The following CLEC3B variants were observed in gnomAD, a reference collection of about 807,000 sequenced individuals.
The protein encoded by CLEC3B is tetranectin.
In CLEC3B, 13 loss-of-function variants were observed where a neutral mutation model predicts 15.4. The ratio of observed to expected loss-of-function variants is 0.84; its 90% CI spans 0.55 to 1.34. CLEC3B has a LOEUF of 1.34. CLEC3B is among the 40% of genes most tolerant of loss of function. CLEC3B has a pLI of 0.00. For missense variants in CLEC3B, 242 were observed against 268.6 expected (o/e 0.90, Z 0.69); for synonymous variants, 112 against 114.7 (o/e 0.98, Z 0.15).
chr3:45,030,817 C>A lies in CLEC3B; in HGVS notation c.110-10C>A. 1 of 1,573,326 alleles carries A rather than the reference C, an allele frequency of 6.4e-7. No individual in the cohort carries two copies. Among genetic ancestry groups the A allele is most frequent in the South Asian group, 1.2e-5 (1 of 85,658 alleles). On this transcript the variant is annotated splice_polypyrimidine_tract_variant and intron_variant, in intron 1 of 2. Coordinates refer to ENST00000296130, the MANE Select transcript of CLEC3B (RefSeq NM_003278.3). Reference sequence around the variant, plus strand: ...CCTGCCCCACCCTGACATATTTCCTCCTGCTTCAGATGTTGTGAACACAAA... The same window carrying A: ...CCTGCCCCACCCTGACATATTTCCTACTGCTTCAGATGTTGTGAACACAAA...
Position 45,035,709 on chromosome 3 carries a change from T to G in CLEC3B, c.394T>G (p.Trp132Gly), listed in dbSNP as rs1559760831. The change falls in exon 3 of 3, where the codon TGG becomes GGG. Residue 132 changes from tryptophan (W) to glycine (G), a missense_variant. Transcript: ENST00000296130. ...GAGCGTGGGCAACGAGGCCGAGATC[T>G]GGCTGGGCCTCAACGACATGGCGGC... ...RQSVGNEAEI[W>G]LGLNDMAAEG... 7 of 1,613,846 alleles carry G rather than the reference T, an allele frequency of 4.3e-6. No homozygotes were observed. Among genetic ancestry groups the G allele is most frequent in the Non-Finnish European group, 5.9e-6 (7 of 1,180,012 alleles).
At chr3:45,031,251 C>T (rs1038312551) in intron 2 of CLEC3B, among the ~76,000 whole-genome samples, 7 of 152,208 alleles carry the variant, frequency 4.6e-5, no homozygotes, top group Admixed American at 3.3e-4. Flanking sequence ...CTGGAGCGCT[C>T]GATGGGGCAG....
chr3:45,029,771 C>T (rs1380424637), intron 1 of CLEC3B, among the ~76,000 whole-genome samples: 1 of 152,202 alleles, frequency 6.6e-6, no homozygotes, highest in Non-Finnish European at 1.5e-5. Flanking sequence ...CAGGGTCCGC[C>T]CCAGGAGCTC....
chr3:45,035,871 G>C lies in CLEC3B; in HGVS notation c.556G>C (p.Asp186His), dbSNP rs1468475621. Residue 186 changes from aspartate to histidine, a missense_variant, in exon 3 of 3, where the codon GAC (aspartate) becomes CAC (histidine). Coordinates refer to ENST00000296130, the MANE Select transcript of CLEC3B (RefSeq NM_003278.3). ...AGGCGCGGCCAACGGCAAGTGGTTC[G>C]ACAAGCGCTGCCGCGATCAGCTGCC... Reference protein sequence around the residue: ...LSGAANGKWFDKRCRDQLPYI... With the variant: ...LSGAANGKWFHKRCRDQLPYI... The C allele has an allele frequency of 5.6e-6, 9 of 1,611,596 alleles. No homozygotes were observed. The highest frequency in any genetic ancestry group is 2.7e-5 in the African/African-American group (2 of 75,058).
chr3:45,035,715 G>A lies in CLEC3B; in HGVS notation c.400G>A (p.Gly134Ser), dbSNP rs779728963. The A allele has an allele frequency of 1.2e-6, 2 of 1,613,872 alleles. No homozygotes were observed. The highest frequency in any genetic ancestry group is 1.7e-6 in the Non-Finnish European group (2 of 1,180,022). Residue 134 changes from glycine (G) to serine (S), a missense_variant, in exon 3 of 3, where the codon GGC becomes AGC. By Grantham distance (56) the Gly-to-Ser change is moderately conservative. Transcript: ENST00000296130. Reference protein sequence around the residue: ...SVGNEAEIWLGLNDMAAEGTW... With the variant: ...SVGNEAEIWLSLNDMAAEGTW... ...GGGCAACGAGGCCGAGATCTGGCTGGGCCTCAACGACATGGCGGCCGAGGG... is the reference window on the plus strand; with the variant it reads ...GGGCAACGAGGCCGAGATCTGGCTGAGCCTCAACGACATGGCGGCCGAGGG...
At chr3:45,029,704 ACCCACTTCC>A in intron 1 of CLEC3B, among the ~76,000 whole-genome samples, 1 of 152,152 alleles carries the variant, frequency 6.6e-6, no homozygotes. Flanking sequence ...GTGTTTCCCC[ACCCACTTCC>A]CCAAGCTGAG....
intron 1 of CLEC3B, among the ~76,000 whole-genome samples, chr3:45,028,308 C>T (rs1214045311): frequency 3.3e-5 from 5 of 152,228 alleles, no homozygotes; most frequent in Admixed American, 6.5e-5. Context: ...GTAATCTCAG[C>T]ACTTTAGGAG....
chr3:45,032,624 C>A (rs1697574675), intron 2 of CLEC3B, among the ~76,000 whole-genome samples: 1 of 152,180 alleles, frequency 6.6e-6, no homozygotes, highest in Non-Finnish European at 1.5e-5. Context: ...ATAGTGCCTG[C>A]CACATAGCAA....
At chr3:45,028,172 C>A (rs1433201861) in intron 1 of CLEC3B, among the ~76,000 whole-genome samples, 1 of 152,216 alleles carries the variant, frequency 6.6e-6, no homozygotes, top group Non-Finnish European at 1.5e-5. Context: ...ATGCTGGACA[C>A]ACAGCAGAGA....
Position 45,035,676 on chromosome 3 carries a change from C to T in CLEC3B, c.361C>T (p.Leu121=), listed in dbSNP as rs756640177. 2 of 1,613,812 alleles carry T rather than the reference C, an allele frequency of 1.2e-6. No individual in the cohort carries two copies. Among genetic ancestry groups the T allele is most frequent in the Non-Finnish European group, 1.7e-6 (2 of 1,180,042 alleles). The part of the protein sequence containing the change: ...GSENDALYEY[L]RQSVGNEAEI... The stretch of plus-strand genomic sequence containing the variant: ...GGAGAACGACGCCCTGTATGAGTAC[C>T]TGCGCCAGAGCGTGGGCAACGAGGC... Residue 121 remains leucine (L), a synonymous_variant, in exon 3 of 3, where the codon CTG becomes TTG. Coordinates refer to ENST00000296130, the MANE Select transcript of CLEC3B (RefSeq NM_003278.3).
At chr3:45,033,911 G>T (rs144558666) in intron 2 of CLEC3B, among the ~76,000 whole-genome samples, 1 of 152,338 alleles carries the variant, frequency 6.6e-6, no homozygotes, top group African/African-American at 2.4e-5. Context: ...AGGGATGGAA[G>T]GAAGCAGGAG....
At chr3:45,028,276 C>T (rs1559758483) in intron 1 of CLEC3B, among the ~76,000 whole-genome samples, 1 of 152,336 alleles carries the variant, frequency 6.6e-6, no homozygotes, top group East Asian at 1.9e-4. Context: ...GGTGCCTTGG[C>T]CAGGCGTGGT....
chr3:45,035,670 G>A lies in CLEC3B; in HGVS notation c.355G>A (p.Glu119Lys). The A allele has an allele frequency of 6.2e-7, 1 of 1,613,760 alleles. No homozygotes were observed. The highest frequency in any genetic ancestry group is 8.5e-7 in the Non-Finnish European group (1 of 1,180,042). Residue 119 changes from glutamate (E) to lysine (K), a missense_variant, in exon 3 of 3, where the codon GAG (glutamate) becomes AAG (lysine). Transcript: ENST00000296130. ...QTGSENDALY[E>K]YLRQSVGNEA... ...TGGCTCGGAGAACGACGCCCTGTAT[G>A]AGTACCTGCGCCAGAGCGTGGGCAA... is the stretch of plus-strand genomic sequence containing the variant.
At chr3:45,031,389 G>A (rs974257033) in intron 2 of CLEC3B, among the ~76,000 whole-genome samples, 1 of 152,226 alleles carries the variant, frequency 6.6e-6, no homozygotes, top group Admixed American at 6.5e-5. Context: ...TCGTAACTCT[G>A]CTGAGGTGGG....
chr3:45,032,451 C>T (rs767090540), intron 2 of CLEC3B, among the ~76,000 whole-genome samples: 1 of 152,164 alleles, frequency 6.6e-6, no homozygotes, highest in African/African-American at 2.4e-5. Flanking sequence ...ATAAGCTCTC[C>T]CAGAACAGTG....
At chr3:45,032,735 CCA>C (rs1329477334) in intron 2 of CLEC3B, among the ~76,000 whole-genome samples, 1 of 152,214 alleles carries the variant, frequency 6.6e-6, no homozygotes, top group African/African-American at 2.4e-5. Context: ...GGGAGCATCT[CCA>C]GAGGTGTTTT....
chr3:45,028,286 T>C (rs1486732393), intron 1 of CLEC3B, among the ~76,000 whole-genome samples: 1 of 152,230 alleles, frequency 6.6e-6, no homozygotes, highest in African/African-American at 2.4e-5. Context: ...CCAGGCGTGG[T>C]GGCTCAAGCC....
intron 2 of CLEC3B, among the ~76,000 whole-genome samples, chr3:45,034,106 C>A (rs551701436): frequency 6.6e-6 from 1 of 152,158 alleles, no homozygotes; most frequent in Non-Finnish European, 1.5e-5. Context: ...CTGTCTTCTG[C>A]TGAGGCAGTC....
rs1313304530 is a variant in CLEC3B, at chr3:45,029,473, C to T, written c.110-1354C>T. ...CAGTCTCTGTGTGAGGCACACATGA[C>T]CTCAGGCTGGTTTGCCAGCCCCAAA... On this transcript the variant is annotated intron_variant, in intron 1 of 2. Coordinates refer to ENST00000296130, the MANE Select transcript of CLEC3B (RefSeq NM_003278.3). 2.0e-5 allele frequency among the ~76,000 whole-genome samples: 3 copies of T among 152,218 alleles called. No individual in the cohort carries two copies. In the East Asian group the frequency reaches 5.8e-4, roughly 29 times the overall value.
Sources: gnomAD v4.1 joint callset for allele counts (sites outside exome capture counted in the v4.1 genomes callset) on GRCh38, gnomAD v4.1.1 for gene constraint, MANE v1.5 for transcripts, NCBI Gene and HGNC (gene_info 2026-07-23, HGNC 2026-07-21) for gene names.